IFT56: variants seen among roughly 807,000 people sequenced by gnomAD.
IFT56 encodes intraflagellar transport 56, also known as intraflagellar transport protein 56.
At chr7:139,164,998 A>G in the IFT56 span, 19 of 575,522 alleles carry the variant, frequency 3.3e-5, no homozygotes, top group Non-Finnish European at 5.0e-5. Flanking sequence ...AAAGTTCTCA[A>G]TATATCAACT....
At chr7:139,136,563 A>T in the IFT56 span, among the ~76,000 whole-genome samples, 1 of 151,784 alleles carries the variant, frequency 6.6e-6, no homozygotes. Context: ...CGAGTCTCCC[A>T]CCTCAGCCTC....
the IFT56 span, among the ~76,000 whole-genome samples, chr7:139,176,396 C>A: frequency 2.0e-5 from 3 of 151,848 alleles, no homozygotes; most frequent in Non-Finnish European, 2.9e-5. Context: ...AATATTAAAA[C>A]CATATTTAAT....
chr7:139,190,039 A>G, the IFT56 span: 1 of 152,392 alleles, frequency 6.6e-6, no homozygotes, highest in Middle Eastern at 3.4e-3. Flanking sequence ...GTTACAGCGC[A>G]GTAAGATGAG....
the IFT56 span, among the ~76,000 whole-genome samples, chr7:139,184,803 C>T: frequency 2.0e-5 from 3 of 152,036 alleles, no homozygotes; most frequent in Non-Finnish European, 4.4e-5. Flanking sequence ...GCCTGTAATC[C>T]CAGCACTTTG....
the IFT56 span, among the ~76,000 whole-genome samples, chr7:139,182,105 C>CG: frequency 6.9e-6 from 1 of 145,762 alleles, no homozygotes; most frequent in Admixed American, 7.0e-5. Context: ...TGTGGAGGGG[C>CG]GGGGGGAGTT....
At chr7:139,181,281 T>C in the IFT56 span, 1 of 1,059,560 alleles carries the variant, frequency 9.4e-7, no homozygotes, top group Non-Finnish European at 1.4e-6. Context: ...GAAAATGTCC[T>C]GCAGACTAAA....
the IFT56 span, among the ~76,000 whole-genome samples, chr7:139,189,104 T>C: frequency 6.6e-5 from 10 of 152,192 alleles, no homozygotes; most frequent in African/African-American, 2.2e-4. Context: ...AACACTTGGA[T>C]TGGCAAGAAA....
the IFT56 span, among the ~76,000 whole-genome samples, chr7:139,177,725 C>T: frequency 6.6e-6 from 1 of 151,652 alleles, no homozygotes; most frequent in Non-Finnish European, 1.5e-5. Flanking sequence ...ATGTCTGTGG[C>T]AAGGGTGGGA....
chr7:139,190,136 T>G, the IFT56 span: 1 of 152,270 alleles, frequency 6.6e-6, no homozygotes, highest in Non-Finnish European at 1.5e-5. Flanking sequence ...TGAATCTCAC[T>G]AGTCCATTAT....
At chr7:139,172,889 T>C in the IFT56 span, 1 of 701,208 alleles carries the variant, frequency 1.4e-6, no homozygotes. Context: ...GAAGACAATC[T>C]GCTATGCACG....
the IFT56 span, among the ~76,000 whole-genome samples, chr7:139,153,151 GAA>G: frequency 1.5e-5 from 2 of 132,508 alleles, no homozygotes; most frequent in Non-Finnish European, 3.3e-5. Flanking sequence ...TCCGTCTCCG[GAA>G]AAAAAAAAAA....
At chr7:139,155,935 C>A in the IFT56 span, among the ~76,000 whole-genome samples, 1 of 152,020 alleles carries the variant, frequency 6.6e-6, no homozygotes, top group African/African-American at 2.4e-5. Context: ...AATCATTAAT[C>A]CAATTTATTT....
the IFT56 span, among the ~76,000 whole-genome samples, chr7:139,171,208 G>A: frequency 3.9e-5 from 6 of 152,080 alleles, no homozygotes; most frequent in African/African-American, 1.4e-4. Flanking sequence ...CACAAAAAAG[G>A]AAAGATATTC....
At chr7:139,187,818 G>C in the IFT56 span, among the ~76,000 whole-genome samples, 1 of 151,334 alleles carries the variant, frequency 6.6e-6, no homozygotes, top group Non-Finnish European at 1.5e-5. Context: ...ATAAGAGCAG[G>C]ATGTATATTT....
At chr7:139,182,699 G>A in the IFT56 span, among the ~76,000 whole-genome samples, 2 of 152,100 alleles carry the variant, frequency 1.3e-5, no homozygotes, top group African/African-American at 2.4e-5. Flanking sequence ...CAGTAAATGG[G>A]GTGAGGAACC....
chr7:139,147,258 A>T, the IFT56 span: 2 of 1,613,130 alleles, frequency 1.2e-6, no homozygotes, highest in Admixed American at 1.7e-5. Flanking sequence ...AAGAAGCTAT[A>T]GATATATATA....
the IFT56 span, chr7:139,168,584 A>C: frequency 6.9e-6 from 4 of 581,010 alleles, no homozygotes; most frequent in East Asian, 2.8e-5. Context: ...AAAAAAAACA[A>C]AAAAAAAACT....
the IFT56 span, among the ~76,000 whole-genome samples, chr7:139,164,531 ATGTT>A: frequency 1.3e-5 from 2 of 152,126 alleles, no homozygotes; most frequent in African/African-American, 4.8e-5. Context: ...TTTAATTTAA[ATGTT>A]TGTGAGTATA....
At chr7:139,180,293 G>A in the IFT56 span, among the ~76,000 whole-genome samples, 1 of 152,008 alleles carries the variant, frequency 6.6e-6, no homozygotes, top group African/African-American at 2.4e-5. Context: ...GGGAGATCAC[G>A]CCACTGCACG....
Sources: gnomAD v4.1 joint callset for allele counts (sites outside exome capture counted in the v4.1 genomes callset) on GRCh38, gnomAD v4.1.1 for gene constraint, MANE v1.5 for transcripts, NCBI Gene and HGNC (gene_info 2026-07-23, HGNC 2026-07-21) for gene names.